The following ARNT2 variants were observed in gnomAD, a reference collection of about 807,000 sequenced individuals.
ARNT2 encodes the protein aryl hydrocarbon receptor nuclear translocator 2.
ARNT2 carries 36 observed loss-of-function variants against 91.7 expected under a neutral mutation model. The observed-to-expected ratio is 0.39, with a 90% CI of 0.30 to 0.52. ARNT2 has a LOEUF of 0.52. ARNT2 is among the 20% of genes least tolerant of loss of function. The pLI is 0.72. For synonymous variants in ARNT2, 365 were observed against 347.1 expected (o/e 1.05, Z -0.57); for missense variants, 775 against 939.3 (o/e 0.83, Z 2.29).
At chr15:80,582,814 G>A (rs1358540039) in intron 17 of ARNT2, among the ~76,000 whole-genome samples, 1 of 152,174 alleles carries the variant, frequency 6.6e-6, no homozygotes, top group Non-Finnish European at 1.5e-5. Flanking sequence ...CAGGCACTCA[G>A]CACGGTTACC....
At chr15:80,486,820 C>T (rs1429440281) in intron 5 of ARNT2, among the ~76,000 whole-genome samples, 1 of 152,188 alleles carries the variant, frequency 6.6e-6, no homozygotes, top group East Asian at 1.9e-4. Flanking sequence ...TAGGAATGGT[C>T]TTCTAGGCTG....
At chr15:80,428,023 G>C (rs533170418) in intron 1 of ARNT2, among the ~76,000 whole-genome samples, 70 of 152,332 alleles carry the variant, frequency 4.6e-4, no homozygotes, top group African/African-American at 1.6e-3. Flanking sequence ...ATAATGAGGA[G>C]GGGAGATCTC....
intron 5 of ARNT2, among the ~76,000 whole-genome samples, chr15:80,477,601 C>G (rs931537002): frequency 4.6e-5 from 7 of 152,160 alleles, no homozygotes; most frequent in African/African-American, 1.7e-4. Flanking sequence ...GAATTATAAC[C>G]AGCCTAAGTG....
chr15:80,420,838 C>T (rs1456511838), intron 1 of ARNT2, among the ~76,000 whole-genome samples: 4 of 152,094 alleles, frequency 2.6e-5, no homozygotes, highest in Non-Finnish European at 4.4e-5. Context: ...ACTGAAAGCA[C>T]GGACCTTGGG....
intron 1 of ARNT2, among the ~76,000 whole-genome samples, chr15:80,418,415 C>G (rs1332217846): frequency 3.3e-5 from 5 of 152,200 alleles, no homozygotes; most frequent in African/African-American, 9.6e-5. Context: ...TCCTCCTGTC[C>G]CTGTTGTGCT....
At position 80,433,592 on chromosome 15, in the gene ARNT2, C is replaced by T. The variant is rs1016438612; in HGVS notation, c.32-17288C>T. ...GGAATTACAGGCGTGAGCCACCACACCCAGCCTAGAAAAGGCATTTTATAG... is the reference window on the plus strand; with the variant it reads ...GGAATTACAGGCGTGAGCCACCACATCCAGCCTAGAAAAGGCATTTTATAG... On this transcript the variant is annotated intron_variant, in intron 1 of 18. Coordinates refer to ENST00000303329, the MANE Select transcript of ARNT2 (RefSeq NM_014862.4). Among the ~76,000 whole-genome samples the T allele has an allele frequency of 3.3e-5, 5 of 152,040 alleles. No homozygotes were observed. The East Asian group carries it at 9.6e-4, about 29-fold the overall frequency.
chr15:80,417,331 A>G (rs112033474), intron 1 of ARNT2, among the ~76,000 whole-genome samples: 7 of 58,242 alleles, frequency 1.2e-4, no homozygotes, highest in African/African-American at 4.5e-4. Flanking sequence ...ATTTTAGGAA[A>G]TTAATTTATG....
chr15:80,554,079 T>G (rs1898132590), intron 10 of ARNT2, among the ~76,000 whole-genome samples: 2 of 152,226 alleles, frequency 1.3e-5, no homozygotes, highest in Admixed American at 1.3e-4. Flanking sequence ...TGATTTGGAT[T>G]GCGATCTATG....
intron 11 of ARNT2, among the ~76,000 whole-genome samples, chr15:80,562,198 C>T (rs757041583): frequency 4.1e-4 from 62 of 152,076 alleles, no homozygotes; most frequent in Non-Finnish European, 7.4e-4. Flanking sequence ...CCTCAGCCTC[C>T]CAAGTAGCTG....
rs1019385800 is a variant in ARNT2 at position 80,591,030 on chromosome 15, C to T, written c.1919-538C>T. Among the ~76,000 whole-genome samples the T allele has an allele frequency of 1.4e-4, 22 of 152,266 alleles. No individual in the cohort carries two copies. Among genetic ancestry groups the T allele is most frequent in the South Asian group, 1.2e-3 (6 of 4,822 alleles). On this transcript the variant is annotated intron_variant, in intron 17 of 18. Coordinates refer to ENST00000303329, the MANE Select transcript of ARNT2 (RefSeq NM_014862.4). The surrounding 1 kb of genome is among the most constrained non-coding windows in gnomAD (Gnocchi z 5.1). ...CGTGTGTGGCTTCCGAGGAGTTGCT[C>T]GGGGGCAGAGGCTGAGGTTGGGAAT... is the stretch of plus-strand genomic sequence containing the variant.
intron 3 of ARNT2, among the ~76,000 whole-genome samples, chr15:80,462,309 T>G (rs910740704): frequency 2.6e-5 from 4 of 152,202 alleles, no homozygotes; most frequent in Non-Finnish European, 5.9e-5. Context: ...ATAAGGGGCA[T>G]TACTAACATC....
intron 8 of ARNT2, among the ~76,000 whole-genome samples, chr15:80,529,346 C>T (rs1897698378): frequency 1.3e-5 from 2 of 152,284 alleles, no homozygotes; most frequent in South Asian, 4.1e-4. Flanking sequence ...CTGAAAGCAC[C>T]TGGTATACTT....
chr15:80,548,192 C>A (rs1005823416), intron 8 of ARNT2, among the ~76,000 whole-genome samples: 4 of 152,058 alleles, frequency 2.6e-5, no homozygotes, highest in Non-Finnish European at 5.9e-5. Flanking sequence ...GAGTGCAGAG[C>A]AGATATTAGA....
intron 10 of ARNT2, among the ~76,000 whole-genome samples, chr15:80,554,140 G>A (rs900834839): frequency 1.3e-5 from 2 of 152,192 alleles, no homozygotes; most frequent in African/African-American, 4.8e-5. Flanking sequence ...CAGGCATGGT[G>A]GCTCATGCCT....
At chr15:80,476,877 T>C (rs1896811549) in intron 5 of ARNT2, among the ~76,000 whole-genome samples, 1 of 152,206 alleles carries the variant, frequency 6.6e-6, no homozygotes, top group East Asian at 1.9e-4. Flanking sequence ...CCAAATGTCA[T>C]GTTCAATTGT....
At chr15:80,447,191 G>A (rs900336356) in intron 1 of ARNT2, among the ~76,000 whole-genome samples, 1 of 152,088 alleles carries the variant, frequency 6.6e-6, no homozygotes, top group African/African-American at 2.4e-5. Flanking sequence ...ATCACAGCAA[G>A]GGAGAAGCTA....
chr15:80,518,913 C>A (rs941220200), intron 8 of ARNT2, among the ~76,000 whole-genome samples: 3 of 151,956 alleles, frequency 2.0e-5, no homozygotes, highest in Non-Finnish European at 4.4e-5. Flanking sequence ...TTTTATCTCC[C>A]CCTACCAGAG....
chr15:80,532,560 C>T (rs1320726641), intron 8 of ARNT2, among the ~76,000 whole-genome samples: 2 of 152,220 alleles, frequency 1.3e-5, no homozygotes, highest in Non-Finnish European at 1.5e-5. Flanking sequence ...CAGATGCATG[C>T]TTTGCTCCAT....
At position 80,515,334 on chromosome 15, in the gene ARNT2, A is replaced by T. The variant is rs78080156; in HGVS notation, c.877+929A>T. 5.6e-3 allele frequency among the ~76,000 whole-genome samples: 859 copies of T among 152,368 alleles called. 14 individuals are homozygous for T. Among genetic ancestry groups the T allele is most frequent in the African/African-American group, 0.019 (793 of 41,594 alleles). On this transcript the variant is annotated intron_variant, in intron 8 of 18. Transcript: ENST00000303329. ...ATGGCCAAAAAATGGAAACAACTCA[A>T]ATGTACACCAAGTGATGAATAGATA...
Sources: gnomAD v4.1 joint callset for allele counts (sites outside exome capture counted in the v4.1 genomes callset) on GRCh38, gnomAD v4.1.1 for gene constraint, Gnocchi (gnomAD v3.1) non-coding constraint, MANE v1.5 for transcripts, NCBI Gene and HGNC (gene_info 2026-07-23, HGNC 2026-07-21) for gene names.